TNRC6B: variants seen among roughly 807,000 people sequenced by gnomAD.
TNRC6B encodes trinucleotide repeat containing adaptor 6B, also known as trinucleotide repeat-containing gene 6B protein.
A neutral mutation model predicts 203.6 loss-of-function variants in TNRC6B; 52 were observed. The observed-to-expected ratio is 0.26, with a 90% CI of 0.20 to 0.32. TNRC6B has a LOEUF of 0.32. Among genes scored for constraint, TNRC6B ranks in the 10% least tolerant of loss-of-function variants. The pLI, the probability that TNRC6B is intolerant of heterozygous loss-of-function variation, is 1.00. For synonymous variants in TNRC6B, 838 were observed against 845.7 expected (o/e 0.99, Z 0.16); for missense variants, 1,923 against 2,286.2 (o/e 0.84, Z 3.24).
rs148439176 is a variant in TNRC6B, at chr22:40,192,645, G to C, written c.5+14505G>C. On this transcript the variant is annotated intron_variant, in intron 1 of 22. Transcript: ENST00000454349. ...AAAAAAAAGTAAAGACCAGATTTTC[G>C]AGCTCCTTCCGAAGTGGGATGAGTC... is the stretch of plus-strand genomic sequence containing the variant. Among the ~76,000 whole-genome samples the C allele has an allele frequency of 2.0e-3, 303 of 151,978 alleles. 1 individual carries two copies. The highest frequency in any genetic ancestry group is 7.1e-3 in the African/African-American group (295 of 41,428).
intron 1 of TNRC6B, among the ~76,000 whole-genome samples, chr22:40,099,895 C>A (rs968912205): frequency 6.6e-6 from 1 of 151,898 alleles, no homozygotes; most frequent in Non-Finnish European, 1.5e-5. Flanking sequence ...GGACTACAGG[C>A]GCCCGCCACC....
At chr22:40,253,716 A>G (rs1268592848) in intron 3 of TNRC6B, 4 of 456,286 alleles carry the variant, frequency 8.8e-6, no homozygotes, top group Non-Finnish European at 1.8e-5. Flanking sequence ...GTATGTTAAG[A>G]CTGTAAACAG....
intron 3 of TNRC6B, among the ~76,000 whole-genome samples, chr22:40,152,057 TAAA>T: frequency 6.6e-6 from 1 of 152,060 alleles, no homozygotes; most frequent in East Asian, 1.9e-4. Flanking sequence ...GTTCAATAAA[TAAA>T]AAAAGAACCT....
At chr22:40,222,728 C>CTCTTTTTT (rs2069728214) in intron 1 of TNRC6B, among the ~76,000 whole-genome samples, 4 of 40,214 alleles carry the variant, frequency 9.9e-5, no homozygotes, top group Admixed American at 4.5e-4. Flanking sequence ...CTCTCTCTCT[C>CTCTTTTTT]TTTTTTTTTT....
intron 1 of TNRC6B, among the ~76,000 whole-genome samples, chr22:40,087,078 T>G (rs557346394): frequency 1.3e-5 from 2 of 152,226 alleles, no homozygotes; most frequent in Non-Finnish European, 2.9e-5. Flanking sequence ...TTATTATATA[T>G]CCTCAGCTTA....
intron 21 of TNRC6B, among the ~76,000 whole-genome samples, chr22:40,317,718 A>T (rs1222839020): frequency 6.6e-6 from 1 of 152,186 alleles, no homozygotes; most frequent in Non-Finnish European, 1.5e-5. Flanking sequence ...ATTTGCACCA[A>T]GCCACTCTGC....
chr22:40,198,982 A>T (rs2069375444), intron 1 of TNRC6B, among the ~76,000 whole-genome samples: 1 of 151,986 alleles, frequency 6.6e-6, no homozygotes, highest in Non-Finnish European at 1.5e-5. Context: ...ATGGCTGATT[A>T]TAGGATTGGA....
chr22:40,334,046 A>G lies in TNRC6B; in HGVS notation c.*10805A>G, dbSNP rs1295392382. On this transcript the variant is annotated 3_prime_UTR_variant, in exon 23 of 23. Transcript: ENST00000454349. ...TATCCACCCACCTTCTGATTTGGGC[A>G]CTGTTCACCTTGGAATTTTATTTAT... 6.6e-6 allele frequency: 1 copy of G among 152,594 alleles called. No homozygotes were observed. Among genetic ancestry groups the G allele is most frequent in the Non-Finnish European group, 1.5e-5 (1 of 68,044 alleles). The allele number at this position is 152,594 out of a possible 1,614,324, so 9.5% of individuals were successfully genotyped here.
intron 3 of TNRC6B, among the ~76,000 whole-genome samples, chr22:40,259,657 T>G (rs1257890900): frequency 6.6e-6 from 1 of 152,222 alleles, no homozygotes; most frequent in African/African-American, 2.4e-5. Context: ...TGGGGTTACC[T>G]GGAAATTGCT....
rs142829999 is a variant in TNRC6B at position 40,134,815 on chromosome 22, T to C, written c.45+8953T>C. Among the ~76,000 whole-genome samples the C allele has an allele frequency of 5.6e-3, 846 of 152,364 alleles. 9 individuals are homozygous for C. The highest frequency in any genetic ancestry group is 0.019 in the African/African-American group (802 of 41,584). On this transcript the variant is annotated intron_variant, in intron 3 of 23. Coordinates refer to the TNRC6B transcript ENST00000301923. The stretch of plus-strand genomic sequence containing the variant: ...AAACTGCATCCGGATAAATGGACTA[T>C]CTTCCTAATTTTTCTGTAAATCTAA...
At chr22:40,186,280 A>C (rs1303899019) in intron 1 of TNRC6B, among the ~76,000 whole-genome samples, 2 of 152,136 alleles carry the variant, frequency 1.3e-5, no homozygotes, top group Admixed American at 6.5e-5. Flanking sequence ...CAGCAGTTCA[A>C]ATGCTGCACA....
intron 1 of TNRC6B, among the ~76,000 whole-genome samples, chr22:40,079,806 T>A (rs1050662256): frequency 6.6e-6 from 1 of 151,598 alleles, no homozygotes; most frequent in African/African-American, 2.4e-5. Flanking sequence ...ATTATTTTTT[T>A]ATTTTTTGAG....
chr22:40,160,691 G>A (rs2068864488), intron 4 of TNRC6B, among the ~76,000 whole-genome samples: 1 of 152,036 alleles, frequency 6.6e-6, no homozygotes, highest in South Asian at 2.1e-4. Flanking sequence ...AGCCTTCTGA[G>A]TAGCTGTACT....
At chr22:40,200,556 G>A (rs2069399121) in intron 1 of TNRC6B, among the ~76,000 whole-genome samples, 1 of 151,786 alleles carries the variant, frequency 6.6e-6, no homozygotes, top group African/African-American at 2.4e-5. Context: ...CCAAAGTGCT[G>A]GGATTACAGG....
At chr22:40,151,343 C>G (rs1454282585) in intron 3 of TNRC6B, among the ~76,000 whole-genome samples, 2 of 151,464 alleles carry the variant, frequency 1.3e-5, no homozygotes, top group African/African-American at 4.9e-5. Flanking sequence ...GCGGGCAGAT[C>G]ACTTGAGGTC....
intron 4 of TNRC6B, among the ~76,000 whole-genome samples, chr22:40,162,602 G>T (rs1346981386): frequency 6.6e-6 from 1 of 151,808 alleles, no homozygotes; most frequent in Non-Finnish European, 1.5e-5. Flanking sequence ...TAGGAAAGTT[G>T]TTGTTGTTAA....
At chr22:40,081,847 C>G (rs1346331904) in intron 1 of TNRC6B, among the ~76,000 whole-genome samples, 1 of 151,964 alleles carries the variant, frequency 6.6e-6, no homozygotes, top group Non-Finnish European at 1.5e-5. Flanking sequence ...TAGCCAAGAG[C>G]CTAGCCGCCA....
intron 1 of TNRC6B, among the ~76,000 whole-genome samples, chr22:40,206,526 T>G (rs1235395884): frequency 6.6e-6 from 1 of 152,258 alleles, no homozygotes; most frequent in Non-Finnish European, 1.5e-5. Context: ...TGAATTGGTA[T>G]ATAAATTCAA....
At chr22:40,234,964 T>G (rs995698105) in intron 1 of TNRC6B, among the ~76,000 whole-genome samples, 1 of 152,168 alleles carries the variant, frequency 6.6e-6, no homozygotes, top group African/African-American at 2.4e-5. Context: ...AACATGCTTT[T>G]TGTGTGTGTG....
Sources: gnomAD v4.1 joint callset for allele counts (sites outside exome capture counted in the v4.1 genomes callset) on GRCh38, gnomAD v4.1.1 for gene constraint, MANE v1.5 for transcripts, NCBI Gene and HGNC (gene_info 2026-07-23, HGNC 2026-07-21) for gene names.